The following HCN1 variants were observed in gnomAD, a reference collection of about 807,000 sequenced individuals.
HCN1 encodes the protein potassium/sodium hyperpolarization-activated cyclic nucleotide-gated channel 1.
In HCN1, 13 loss-of-function variants were observed where a neutral mutation model predicts 78.9. That is an observed-to-expected ratio of 0.16 (90% confidence interval 0.11 to 0.26). The LOEUF (loss-of-function observed/expected upper bound fraction) is 0.26. Among genes scored for constraint, HCN1 ranks in the 10% least tolerant of loss-of-function variants. HCN1 has a pLI of 1.00. For missense variants in HCN1, 810 were observed against 1,154.3 expected (o/e 0.70, Z 4.32); for synonymous variants, 552 against 455.5 (o/e 1.21, Z -2.70).
chr5:45,295,261 C>T (rs745320436), intron 6 of HCN1, among the ~76,000 whole-genome samples: 29 of 152,078 alleles, frequency 1.9e-4, no homozygotes, highest in South Asian at 4.1e-4. Flanking sequence ...CTTTTTGTAA[C>T]GTGGCTTAAT....
intron 2 of HCN1, among the ~76,000 whole-genome samples, chr5:45,623,317 A>G (rs1018154605): frequency 3.3e-5 from 5 of 152,160 alleles, no homozygotes; most frequent in African/African-American, 1.2e-4. Context: ...TGAGTCAGAG[A>G]TGCAATCCTG....
chr5:45,467,832 T>TA (rs763707446), intron 2 of HCN1, among the ~76,000 whole-genome samples: 167 of 152,256 alleles, frequency 1.1e-3, no homozygotes, highest in East Asian at 1.2e-3. Flanking sequence ...TCTCAATTCC[T>TA]AAAAAACATT....
chr5:45,471,232 A>C (rs750997345), intron 2 of HCN1, among the ~76,000 whole-genome samples: 3 of 151,926 alleles, frequency 2.0e-5, no homozygotes, highest in Non-Finnish European at 4.4e-5. Flanking sequence ...CGTGTGTTCA[A>C]GGGGTGGGAG....
intron 2 of HCN1, among the ~76,000 whole-genome samples, chr5:45,469,221 A>G (rs564040611): frequency 6.6e-6 from 1 of 152,062 alleles, no homozygotes; most frequent in Admixed American, 6.6e-5. Flanking sequence ...ACAGGTCAGA[A>G]CATTTATTAA....
chr5:45,492,374 C>A (rs1741902002), intron 2 of HCN1, among the ~76,000 whole-genome samples: 1 of 124,306 alleles, frequency 8.0e-6, no homozygotes. Context: ...TTGAGAGGAT[C>A]TTAGACTTCT....
At chr5:45,434,198 A>G (rs1162796736) in intron 3 of HCN1, among the ~76,000 whole-genome samples, 1 of 152,192 alleles carries the variant, frequency 6.6e-6, no homozygotes, top group African/African-American at 2.4e-5. Context: ...GAGTCTTCTG[A>G]TGCAACCTAT....
At chr5:45,686,965 A>G (rs1242206172) in intron 1 of HCN1, among the ~76,000 whole-genome samples, 2 of 151,990 alleles carry the variant, frequency 1.3e-5, no homozygotes, top group Non-Finnish European at 2.9e-5. Flanking sequence ...ATGTCATCTA[A>G]TAACTTTCTA....
intron 6 of HCN1, among the ~76,000 whole-genome samples, chr5:45,300,829 T>C (rs1384424225): frequency 6.6e-6 from 1 of 152,142 alleles, no homozygotes; most frequent in Non-Finnish European, 1.5e-5. Context: ...AAGCAGGCCC[T>C]GTTAGATTCA....
At chr5:45,601,966 G>A (rs1260944619) in intron 2 of HCN1, among the ~76,000 whole-genome samples, 1 of 151,974 alleles carries the variant, frequency 6.6e-6, no homozygotes, top group Non-Finnish European at 1.5e-5. Context: ...TCATGGGGGT[G>A]GTTTCCCCCA....
chr5:45,410,725 C>A (rs992954452), intron 3 of HCN1, among the ~76,000 whole-genome samples: 9 of 152,024 alleles, frequency 5.9e-5, no homozygotes, highest in African/African-American at 2.2e-4. Flanking sequence ...CCTAGGAAAT[C>A]CCCTGCTGTG....
intron 6 of HCN1, among the ~76,000 whole-genome samples, chr5:45,301,319 T>TA (rs1250959368): frequency 3.3e-5 from 5 of 151,512 alleles, no homozygotes; most frequent in Non-Finnish European, 5.9e-5. Flanking sequence ...GGGTTAATAC[T>TA]AAAAAATGTA....
intron 2 of HCN1, among the ~76,000 whole-genome samples, chr5:45,552,674 G>C (rs1001345984): frequency 6.6e-6 from 1 of 151,830 alleles, no homozygotes; most frequent in Admixed American, 6.6e-5. Flanking sequence ...GAAAAGTCTA[G>C]AAACATGGTA....
At chr5:45,585,084 A>C (rs895889485) in intron 2 of HCN1, among the ~76,000 whole-genome samples, 17 of 152,216 alleles carry the variant, frequency 1.1e-4, no homozygotes, top group Middle Eastern at 3.4e-3. Context: ...CTGCCTTGCT[A>C]TGTTGCGGAA....
At chr5:45,549,237 C>T (rs1466208177) in intron 2 of HCN1, among the ~76,000 whole-genome samples, 1 of 152,104 alleles carries the variant, frequency 6.6e-6, no homozygotes, top group Non-Finnish European at 1.5e-5. Flanking sequence ...CGCTACCTGA[C>T]TTCAAACTAT....
chr5:45,549,183 T>C (rs1318572903), intron 2 of HCN1, among the ~76,000 whole-genome samples: 2 of 152,204 alleles, frequency 1.3e-5, no homozygotes, highest in East Asian at 1.9e-4. Flanking sequence ...GAGTCTGCAT[T>C]GCCATGTCAA....
chr5:45,281,795 T>C (rs985256688), intron 6 of HCN1, among the ~76,000 whole-genome samples: 2 of 151,744 alleles, frequency 1.3e-5, no homozygotes, highest in Admixed American at 6.6e-5. Context: ...GGTTTCACCA[T>C]ATTTGCCAGG....
chr5:45,372,724 T>C (rs1046953388), intron 4 of HCN1, among the ~76,000 whole-genome samples: 4 of 143,250 alleles, frequency 2.8e-5, no homozygotes, highest in African/African-American at 1.0e-4. Flanking sequence ...TAAAAATATA[T>C]ACGTATTTAT....
At position 45,258,621 on chromosome 5, in the gene HCN1, C is replaced by T. The variant is rs1744669040; in HGVS notation, c.*3300G>A. ...TAAAACCCACTTGTGTGGGGAGGTT[C>T]TATCACTCTCCAAATAACTTTGCAG... On this transcript the variant is annotated 3_prime_UTR_variant, in exon 8 of 8. Transcript: ENST00000303230. 6.6e-6 allele frequency: 1 copy of T among 152,008 alleles called. No homozygotes were observed. The highest frequency in any genetic ancestry group is 2.4e-5 in the African/African-American group (1 of 41,406). The allele number at this position is 152,008 out of a possible 1,614,324, so 9.4% of individuals were successfully genotyped here.
chr5:45,568,055 C>A (rs1189757436), intron 2 of HCN1, among the ~76,000 whole-genome samples: 1 of 152,034 alleles, frequency 6.6e-6, no homozygotes, highest in Non-Finnish European at 1.5e-5. Flanking sequence ...TATAACAGGT[C>A]TTTCCACTCT....
Sources: gnomAD v4.1 joint callset for allele counts (sites outside exome capture counted in the v4.1 genomes callset) on GRCh38, gnomAD v4.1.1 for gene constraint, MANE v1.5 for transcripts, NCBI Gene and HGNC (gene_info 2026-07-23, HGNC 2026-07-21) for gene names.